AGBL1: variants seen among roughly 807,000 people sequenced by gnomAD.
The protein encoded by AGBL1 is cytosolic carboxypeptidase 4.
AGBL1 carries 130 observed loss-of-function variants against 118.9 expected under a neutral mutation model. The ratio of observed to expected loss-of-function variants is 1.09; its 90% CI spans 0.95 to 1.26. The LOEUF (loss-of-function observed/expected upper bound fraction) is 1.26, where lower values mean the gene tolerates loss of function less well. Ranked by LOEUF, AGBL1 falls within the 50% of genes most tolerant of loss-of-function variation. The pLI, the probability that AGBL1 is intolerant of heterozygous loss-of-function variation, is 0.00. For missense variants in AGBL1, 1,584 were observed against 1,298.1 expected (o/e 1.22, Z -3.38); for synonymous variants, 555 against 478.9 (o/e 1.16, Z -2.08).
At chr15:87,031,151 G>A (rs189073205), downstream of AGBL1, among the ~76,000 whole-genome samples, 75 of 152,024 alleles carry the variant, frequency 4.9e-4, no homozygotes, top group Admixed American at 3.0e-3. Context: ...CTTTTCATGT[G>A]TCAGCTTTGT....
Position 86,154,496 on chromosome 15 carries a change from A to G in AGBL1, c.329A>G (p.Lys110Arg). 3.7e-6 allele frequency: 6 copies of G among 1,613,276 alleles called. No individual in the cohort carries two copies. The highest frequency in any genetic ancestry group is 4.2e-6 in the Non-Finnish European group (5 of 1,179,586). The change falls in exon 4 of 23, where the codon AAG becomes AGG. Residue 110 changes from lysine to arginine, a missense_variant. Lys to Arg is a conservative substitution (Grantham distance 26). Transcript: ENST00000614907. ...ALDVTLILAR[K>R]NLSHGQNLLH... The stretch of plus-strand genomic sequence containing the variant: ...GATGTGACATTGATTCTGGCCAGGA[A>G]GAACCTATCCCATGGCCAGAATCTC...
chr15:86,805,464 C>T (rs2078703583), intron 22 of AGBL1, among the ~76,000 whole-genome samples: 1 of 152,140 alleles, frequency 6.6e-6, no homozygotes, highest in South Asian at 2.1e-4. Context: ...ATCTAGCCCT[C>T]TCTGCTGAGC....
intron 18 of AGBL1, among the ~76,000 whole-genome samples, chr15:86,508,077 T>A (rs988095633): frequency 6.7e-6 from 1 of 149,114 alleles, no homozygotes; most frequent in African/African-American, 2.5e-5. Context: ...CGAGCCACCA[T>A]GCCCAGCTAA....
chr15:86,928,819 G>A (rs2080574768), intron 23 of AGBL1, among the ~76,000 whole-genome samples: 1 of 152,166 alleles, frequency 6.6e-6, no homozygotes, highest in Middle Eastern at 3.4e-3. Flanking sequence ...TACATGTGAG[G>A]TTGCTGAATG....
At chr15:86,090,775 C>G (rs962107943) in intron 1 of AGBL1, among the ~76,000 whole-genome samples, 1 of 152,154 alleles carries the variant, frequency 6.6e-6, no homozygotes, top group East Asian at 1.9e-4. Flanking sequence ...CCCCCATGAT[C>G]TAACTCTTAT....
chr15:86,569,595 G>A (rs1033474102), intron 21 of AGBL1, among the ~76,000 whole-genome samples: 2 of 152,124 alleles, frequency 1.3e-5, no homozygotes, highest in African/African-American at 4.8e-5. Context: ...AGCACACTAT[G>A]AGCAGTTTAT....
intron 22 of AGBL1, among the ~76,000 whole-genome samples, chr15:86,854,918 CT>C (rs1177318177): frequency 2.6e-5 from 4 of 152,168 alleles, no homozygotes; most frequent in Non-Finnish European, 5.9e-5. Context: ...TCCATCACTG[CT>C]TTTTGATGAC....
intron 19 of AGBL1, among the ~76,000 whole-genome samples, chr15:86,541,039 A>G (rs976623876): frequency 7.9e-5 from 12 of 152,222 alleles, no homozygotes; most frequent in African/African-American, 2.4e-4. Flanking sequence ...TTCTGGCTTT[A>G]TTGAGAAATC....
chr15:86,828,927 T>C (rs1484486823), intron 22 of AGBL1, among the ~76,000 whole-genome samples: 1 of 147,880 alleles, frequency 6.8e-6, no homozygotes, highest in Admixed American at 6.8e-5. Context: ...TATATATATA[T>C]ATATATATAT....
intron 5 of AGBL1, among the ~76,000 whole-genome samples, chr15:86,180,764 A>G (rs1382119700): frequency 6.6e-6 from 1 of 152,152 alleles, no homozygotes. Context: ...ATATTTGCCA[A>G]TCATGTACCT....
rs2080360366 is a variant in AGBL1 at position 86,912,124 on chromosome 15, G to C, written c.*4830G>C. The C allele has an allele frequency of 2.6e-5, 4 of 152,138 alleles. No individual in the cohort carries two copies. Among genetic ancestry groups the C allele is most frequent in the Admixed American group, 2.6e-4 (4 of 15,280 alleles). 9.4% of individuals were successfully genotyped at this position (152,138 alleles called of 1,614,324 possible). On this transcript the variant is annotated 3_prime_UTR_variant, in exon 23 of 23. Transcript: ENST00000614907. ...CCTCCGTTTTCCATCTCAAAGAAGA[G>C]TTTGTGTTATAGACAGGGAAACACA...
chr15:86,707,663 A>G (rs748544457), intron 22 of AGBL1, among the ~76,000 whole-genome samples: 6 of 152,186 alleles, frequency 3.9e-5, no homozygotes, highest in African/African-American at 7.2e-5. Context: ...TAAGTTCAAT[A>G]AAAATCCTTT....
chr15:86,267,204 T>C lies in AGBL1; in HGVS notation c.1838+128T>C, dbSNP rs986587802. Reference sequence around the variant, plus strand: ...TGAAATCAGCCATGGTGGGAATATTTATATCATAAAAATTGGCAAACAGTA... The same window carrying C: ...TGAAATCAGCCATGGTGGGAATATTCATATCATAAAAATTGGCAAACAGTA... On this transcript the variant is annotated intron_variant, in intron 13 of 22. Coordinates refer to ENST00000614907, the MANE Select transcript of AGBL1 (RefSeq NM_001386094.1). 1.5e-5 allele frequency: 11 copies of C among 731,180 alleles called. No homozygotes were observed. In the Admixed American group the frequency reaches 2.8e-4, roughly 19 times the overall value. The allele number at this position is 731,180 out of a possible 1,614,324, so 45.3% of individuals were successfully genotyped here.
At chr15:86,537,217 C>G (rs1360074514) in intron 19 of AGBL1, among the ~76,000 whole-genome samples, 1 of 152,166 alleles carries the variant, frequency 6.6e-6, no homozygotes, top group South Asian at 2.1e-4. Flanking sequence ...AATATAGAAG[C>G]CTTGTTATAG....
chr15:86,472,206 G>C (rs777863260), intron 18 of AGBL1, among the ~76,000 whole-genome samples: 1 of 152,184 alleles, frequency 6.6e-6, no homozygotes, highest in Non-Finnish European at 1.5e-5. Context: ...CAAGTTTGTG[G>C]TAATTTGTTC....
chr15:86,104,938 T>A (rs549279363), intron 1 of AGBL1: 1 of 152,232 alleles, frequency 6.6e-6, no homozygotes, highest in South Asian at 2.1e-4. Context: ...ATGGTGAGAA[T>A]GTGGACCACT....
intron 19 of AGBL1, among the ~76,000 whole-genome samples, chr15:86,536,315 T>C (rs1216500710): frequency 6.6e-6 from 1 of 152,140 alleles, no homozygotes; most frequent in Non-Finnish European, 1.5e-5. Flanking sequence ...GATATTCTTT[T>C]TTGTTTGTTT....
In AGBL1 at chr15:86,337,106, A is replaced by T. The variant is rs148621864; in HGVS notation, c.2374+41698A>T. Among the ~76,000 whole-genome samples, 11 of 152,344 alleles carry T rather than the reference A, an allele frequency of 7.2e-5. No individual in the cohort carries two copies. The East Asian group carries it at 1.2e-3, about 16-fold the overall frequency. On this transcript the variant is annotated intron_variant, in intron 17 of 22. Transcript: ENST00000614907. ...CACAAAACAATTTAGAAATCCTGGG[A>T]GCATTTGTATTCCCAGTGCCTCTCT...
At chr15:86,591,246 A>G (rs2084329981) in intron 21 of AGBL1, among the ~76,000 whole-genome samples, 1 of 152,234 alleles carries the variant, frequency 6.6e-6, no homozygotes, top group Admixed American at 6.5e-5. Flanking sequence ...TCCCAACACA[A>G]CAATCAATGC....
Sources: gnomAD v4.1 joint callset for allele counts (sites outside exome capture counted in the v4.1 genomes callset) on GRCh38, gnomAD v4.1.1 for gene constraint, MANE v1.5 for transcripts, NCBI Gene and HGNC (gene_info 2026-07-23, HGNC 2026-07-21) for gene names.